NAF1: variants seen among roughly 807,000 people sequenced by gnomAD.
NAF1 encodes nuclear assembly factor 1 ribonucleoprotein, also known as H/ACA ribonucleoprotein complex non-core subunit NAF1.
Under a neutral mutation model 40.6 loss-of-function variants are expected in NAF1, and 11 were observed. The ratio of observed to expected loss-of-function variants is 0.27; its 90% confidence interval spans 0.17 to 0.45. The LOEUF is 0.45. NAF1 is among the 20% of genes least tolerant of loss of function. The pLI, the probability that NAF1 is intolerant of heterozygous loss-of-function variation, is 1.00. For missense variants in NAF1, 607 were observed against 611.1 expected, an observed-to-expected ratio of 0.99 and a Z score of 0.07; for synonymous variants, 260 against 228.5, an observed-to-expected ratio of 1.14 and a Z score of -1.24.
intron 2 of NAF1, among the ~76,000 whole-genome samples, chr4:163,152,923 A>C (rs1731780044): frequency 1.3e-5 from 2 of 152,204 alleles, no homozygotes; most frequent in Admixed American, 6.5e-5. Context: ...ATGGGCTTGG[A>C]GGGCCCCGCA....
intron 2 of NAF1, among the ~76,000 whole-genome samples, chr4:163,161,508 T>C (rs573168650): frequency 3.4e-4 from 51 of 150,942 alleles, no homozygotes; most frequent in Non-Finnish European, 6.9e-4. Flanking sequence ...AACAAATCTA[T>C]AGATAAACAG....
chr4:163,161,589 AAC>A (rs1732225608), intron 2 of NAF1, among the ~76,000 whole-genome samples: 1 of 152,202 alleles, frequency 6.6e-6, no homozygotes, highest in Admixed American at 6.5e-5. Context: ...ATGTAAAAGA[AAC>A]AGTGTGACTA....
chr4:163,138,767 C>T (rs1298107608), intron 5 of NAF1, among the ~76,000 whole-genome samples: 1 of 152,078 alleles, frequency 6.6e-6, no homozygotes, highest in Non-Finnish European at 1.5e-5. Context: ...TATCTAAAAT[C>T]TATTTAAAAA....
chr4:163,110,629 G>A (rs1579111016), intron 2 of NAF1, among the ~76,000 whole-genome samples: 1 of 152,236 alleles, frequency 6.6e-6, no homozygotes, highest in East Asian at 1.9e-4. Context: ...GAAATCTAAG[G>A]TCAAGCAAAA....
chr4:163,142,997 T>C (rs1218596613), intron 4 of NAF1, among the ~76,000 whole-genome samples: 17 of 152,182 alleles, frequency 1.1e-4, no homozygotes, highest in Non-Finnish European at 1.5e-5. Context: ...AAGTAATAGA[T>C]TGTAAGGAGA....
In NAF1 at chr4:163,129,114, G is replaced by A. The variant is rs776523875; in HGVS notation, c.1268C>T (p.Pro423Leu). Residue 423 changes from proline (P) to leucine (L), a missense_variant, in exon 8 of 8, where the codon CCC becomes CTC. This residue lies in a region of NAF1 where 189 missense variants were observed against 216.6 expected (regional missense o/e 0.87). Transcript: ENST00000274054. ...CATGTCAAACACTGGAAGAGGAAAG[G>A]GGTATTGTGGCATAATGGGATTATT... Reference protein sequence around the residue: ...RQNNPIMPQYPFPLPVFDMHN... With the variant: ...RQNNPIMPQYLFPLPVFDMHN... The A allele has an allele frequency of 1.9e-6, 3 of 1,613,102 alleles. No individual in the cohort carries two copies. In the South Asian group the frequency reaches 3.3e-5, roughly 18 times the overall value.
At chr4:163,151,995 T>C (rs1731728939) in intron 2 of NAF1, among the ~76,000 whole-genome samples, 2 of 152,222 alleles carry the variant, frequency 1.3e-5, no homozygotes, top group South Asian at 4.1e-4. Context: ...CTTGTATATT[T>C]ATTATACAAC....
In NAF1 at chr4:163,166,632, C is replaced by T. The variant is rs567316714; in HGVS notation, c.96G>A (p.Pro32=). The part of the protein sequence containing the change: ...GVGEGPAAPS[P]GSAPVPGTQP... ...GTGTCCCTGGCACAGGGGCAGAGCC[C>T]GGAGACGGAGCCGCCGGACCTTCCC... The change falls in exon 1 of 8, where the codon CCG becomes CCA. Residue 32 remains proline, a synonymous_variant. Transcript: ENST00000274054. 3 of 1,611,896 alleles carry T rather than the reference C, an allele frequency of 1.9e-6. No homozygotes were observed. In the African/African-American group the frequency reaches 4.0e-5, roughly 21 times the overall value.
intron 2 of NAF1, among the ~76,000 whole-genome samples, chr4:163,150,704 T>C (rs1731664977): frequency 6.6e-6 from 1 of 152,044 alleles, no homozygotes; most frequent in Non-Finnish European, 1.5e-5. Flanking sequence ...ATATCTGCCC[T>C]TTCAAAACTT....
chr4:163,143,810 G>C (rs983141804), intron 4 of NAF1, among the ~76,000 whole-genome samples: 1 of 152,152 alleles, frequency 6.6e-6, no homozygotes, highest in African/African-American at 2.4e-5. Flanking sequence ...ATGAGGAAAT[G>C]AACCTTTACA....
chr4:163,121,931 G>A (rs1730529441), downstream of NAF1, among the ~76,000 whole-genome samples: 1 of 152,198 alleles, frequency 6.6e-6, no homozygotes, highest in Non-Finnish European at 1.5e-5. Flanking sequence ...AGAGGTGAAA[G>A]AGATTGCCTT....
At chr4:163,165,661 T>G (rs1253691887) in intron 1 of NAF1, among the ~76,000 whole-genome samples, 2 of 152,178 alleles carry the variant, frequency 1.3e-5, no homozygotes, top group Non-Finnish European at 2.9e-5. Context: ...ACCTGTTCAG[T>G]ACCCCACTCA....
chr4:163,152,904 C>A (rs1395871060), intron 2 of NAF1, among the ~76,000 whole-genome samples: 1 of 152,166 alleles, frequency 6.6e-6, no homozygotes, highest in Non-Finnish European at 1.5e-5. Flanking sequence ...GCTGGAGTTC[C>A]GGGTGGGCAT....
intron 2 of NAF1, among the ~76,000 whole-genome samples, chr4:163,113,815 C>T (rs542002098): frequency 6.6e-6 from 1 of 152,340 alleles, no homozygotes; most frequent in Non-Finnish European, 1.5e-5. Context: ...AAGTTATCTT[C>T]TCCAGACCAT....
chr4:163,106,990 TTC>T (rs1228539641), downstream of NAF1, among the ~76,000 whole-genome samples: 8 of 151,774 alleles, frequency 5.3e-5, no homozygotes, highest in Admixed American at 4.6e-4. Context: ...ATTTGAGGCT[TTC>T]TTTTTTTTTT....
rs186641520 is a variant in NAF1, at chr4:163,158,719, A to T, written c.540+5498T>A. Among the ~76,000 whole-genome samples the T allele has an allele frequency of 2.2e-4, 33 of 152,262 alleles. No individual in the cohort carries two copies. In the East Asian group the frequency reaches 6.2e-3, roughly 28 times the overall value. The stretch of plus-strand genomic sequence containing the variant: ...TAGTCCATCTCAATAAGAAACCTCC[A>T]ACAATGAATATAACTTTAAGCCTAT... On this transcript the variant is annotated intron_variant, in intron 2 of 7. Transcript: ENST00000274054.
chr4:163,104,561 ATGT>A, the NAF1 span, among the ~76,000 whole-genome samples: 1 of 152,150 alleles, frequency 6.6e-6, no homozygotes, highest in African/African-American at 2.4e-5. Flanking sequence ...ACACCCAAAG[ATGT>A]TGTTTTTATT....
At chr4:163,153,363 T>C (rs1326076304) in intron 2 of NAF1, among the ~76,000 whole-genome samples, 1 of 152,204 alleles carries the variant, frequency 6.6e-6, no homozygotes, top group Non-Finnish European at 1.5e-5. Flanking sequence ...TCTGGGATTG[T>C]AAACACGCCA....
At chr4:163,110,968 A>G (rs1648510047) in intron 2 of NAF1, among the ~76,000 whole-genome samples, 1 of 152,170 alleles carries the variant, frequency 6.6e-6, no homozygotes, top group African/African-American at 2.4e-5. Flanking sequence ...TCCTTTTCAC[A>G]TATTAAACAC....
Sources: gnomAD v4.1 joint callset for allele counts (sites outside exome capture counted in the v4.1 genomes callset) on GRCh38, gnomAD v4.1.1 for gene constraint, gnomAD v4.1.1 regional missense constraint, MANE v1.5 for transcripts, NCBI Gene and HGNC (gene_info 2026-07-23, HGNC 2026-07-21) for gene names.